TTC29: variants seen among roughly 807,000 people sequenced by gnomAD.
TTC29 encodes tetratricopeptide repeat protein 29.
In TTC29, 49 loss-of-function variants were observed where a neutral mutation model predicts 58.1. The observed-to-expected ratio is 0.84, with a 90% CI of 0.67 to 1.07. The LOEUF (loss-of-function observed/expected upper bound fraction) is 1.07. Ranked by LOEUF, TTC29 falls within the 50% of genes least tolerant of loss-of-function variation. The pLI, the probability that TTC29 is intolerant of heterozygous loss-of-function variation, is 0.00. For synonymous variants in TTC29, 209 were observed against 196.8 expected (o/e 1.06, Z -0.52); for missense variants, 582 against 555.6 (o/e 1.05, Z -0.48).
chr4:146,714,327 C>T (rs1010848377), intron 11 of TTC29, among the ~76,000 whole-genome samples: 4 of 151,838 alleles, frequency 2.6e-5, no homozygotes, highest in African/African-American at 9.7e-5. Context: ...TAAAATAAAA[C>T]ATTAATAAAC....
Position 146,855,112 on chromosome 4 carries a change from T to C in TTC29, c.885+12386A>G, listed in dbSNP as rs1579837183. On this transcript the variant is annotated intron_variant, in intron 8 of 12. Transcript: ENST00000325106. ...AGGAGTTCAAGACCAGCCTGGCCAA[T>C]ATGGTAAAACCCTGTCTCTTAAAAC... 2.0e-5 allele frequency among the ~76,000 whole-genome samples: 3 copies of C among 150,692 alleles called. No homozygotes were observed. In the South Asian group the frequency reaches 6.3e-4, roughly 32 times the overall value.
intron 11 of TTC29, among the ~76,000 whole-genome samples, chr4:146,744,926 C>T (rs971907305): frequency 2.4e-4 from 37 of 152,268 alleles, no homozygotes; most frequent in South Asian, 1.2e-3. Flanking sequence ...CATTCCCTCA[C>T]CTTCCAATAT....
chr4:146,718,159 A>G (rs1743080888), intron 11 of TTC29, among the ~76,000 whole-genome samples: 1 of 152,152 alleles, frequency 6.6e-6, no homozygotes, highest in Non-Finnish European at 1.5e-5. Context: ...TGACTTGGCT[A>G]TTAGGAATAG....
intron 4 of TTC29, among the ~76,000 whole-genome samples, chr4:146,936,155 A>G (rs72960378): frequency 0.084 from 12,772 of 152,220 alleles, 709 homozygotes; most frequent in East Asian, 0.19. Flanking sequence ...ACTGTTGTCA[A>G]TAGTGTAATG....
chr4:146,853,283 C>G (rs548055114), intron 8 of TTC29, among the ~76,000 whole-genome samples: 11 of 151,954 alleles, frequency 7.2e-5, no homozygotes, highest in Non-Finnish European at 1.6e-4. Context: ...CCACCAAAAA[C>G]AGTTTGGTAG....
rs538510585 is a variant in TTC29, at chr4:146,936,506, C to T, written c.176+1088G>A. 6.6e-5 allele frequency among the ~76,000 whole-genome samples: 10 copies of T among 152,056 alleles called. No homozygotes were observed. In the South Asian group the frequency reaches 8.3e-4, roughly 13 times the overall value. ...TTAAATTTTATCTAACAGTTTATCA[C>T]GGAAAGTTAAATAATTAATCATCAG... is the stretch of plus-strand genomic sequence containing the variant. On this transcript the variant is annotated intron_variant, in intron 4 of 12. Transcript: ENST00000325106.
chr4:146,771,774 C>T (rs143064594), intron 11 of TTC29, among the ~76,000 whole-genome samples: 46 of 152,144 alleles, frequency 3.0e-4, no homozygotes, highest in African/African-American at 8.9e-4. Context: ...GGGTATACAC[C>T]GAGTAACAGG....
chr4:146,935,883 C>T (rs1735774455), intron 4 of TTC29, among the ~76,000 whole-genome samples: 1 of 152,204 alleles, frequency 6.6e-6, no homozygotes, highest in African/African-American at 2.4e-5. Context: ...CATAATTCTT[C>T]ATGGCACCTG....
At chr4:146,741,783 C>T (rs1055766498) in intron 11 of TTC29, among the ~76,000 whole-genome samples, 9 of 152,168 alleles carry the variant, frequency 5.9e-5, no homozygotes, top group Non-Finnish European at 7.3e-5. Context: ...TCCTTTCTTT[C>T]CAGCTACTGG....
At chr4:146,806,925 C>T (rs549745459) in intron 10 of TTC29, among the ~76,000 whole-genome samples, 118 of 152,302 alleles carry the variant, frequency 7.7e-4, no homozygotes, top group Middle Eastern at 3.4e-3. Flanking sequence ...CCCAAATCAA[C>T]AGAATATACA....
At chr4:146,820,650 C>A (rs1751751865) in intron 9 of TTC29, among the ~76,000 whole-genome samples, 1 of 152,088 alleles carries the variant, frequency 6.6e-6, no homozygotes, top group African/African-American at 2.4e-5. Context: ...ATAGCCAAGG[C>A]ATGAAAACAA....
chr4:146,833,263 A>G (rs1278929057), intron 9 of TTC29, among the ~76,000 whole-genome samples: 1 of 152,224 alleles, frequency 6.6e-6, no homozygotes, highest in Non-Finnish European at 1.5e-5. Flanking sequence ...AGGGTGAATG[A>G]TATATCTTCC....
chr4:146,933,067 A>AG, intron 4 of TTC29, among the ~76,000 whole-genome samples: 1 of 152,016 alleles, frequency 6.6e-6, no homozygotes, highest in South Asian at 2.1e-4. Flanking sequence ...CAAAAAAAAA[A>AG]AAAAGATATG....
chr4:146,815,034 G>T (rs1751307642), intron 10 of TTC29, among the ~76,000 whole-genome samples: 1 of 152,132 alleles, frequency 6.6e-6, no homozygotes, highest in African/African-American at 2.4e-5. Flanking sequence ...TTTAGGACAG[G>T]GTAGGGATTT....
intron 8 of TTC29, among the ~76,000 whole-genome samples, chr4:146,854,219 C>G (rs1579834609): frequency 6.6e-6 from 1 of 152,114 alleles, no homozygotes; most frequent in African/African-American, 2.4e-5. Flanking sequence ...AATTCCACAT[C>G]TCAAAGTCAG....
At chr4:146,829,806 T>A (rs1019439373) in intron 9 of TTC29, among the ~76,000 whole-genome samples, 2 of 152,170 alleles carry the variant, frequency 1.3e-5, no homozygotes, top group Non-Finnish European at 2.9e-5. Context: ...ACAATTGGTA[T>A]GGAATAAACC....
intron 11 of TTC29, among the ~76,000 whole-genome samples, chr4:146,747,813 G>C (rs1745661753): frequency 6.6e-6 from 1 of 152,190 alleles, no homozygotes; most frequent in Admixed American, 6.5e-5. Context: ...CCAGGAAATA[G>C]AAGCTTGACT....
intron 6 of TTC29, among the ~76,000 whole-genome samples, chr4:146,884,853 A>C (rs1731873214): frequency 6.6e-6 from 1 of 152,076 alleles, no homozygotes; most frequent in South Asian, 2.1e-4. Flanking sequence ...GATGTCCTTT[A>C]TCAGTTTATG....
intron 11 of TTC29, among the ~76,000 whole-genome samples, chr4:146,802,523 T>C (rs761604397): frequency 6.6e-6 from 1 of 152,242 alleles, no homozygotes; most frequent in Non-Finnish European, 1.5e-5. Context: ...AGTATTCTAC[T>C]GACCTAAAAA....
Sources: allele counts gnomAD v4.1 joint callset (sites outside exome capture counted in the v4.1 genomes callset), GRCh38; gene constraint gnomAD v4.1.1; transcripts MANE v1.5; gene names NCBI Gene and HGNC (gene_info 2026-07-23, HGNC 2026-07-21).